Variants in DNAJC19 observed in about 807,000 individuals in gnomAD.
The protein encoded by DNAJC19 is DnaJ heat shock protein family (Hsp40) member C19, also known as mitochondrial import inner membrane translocase subunit TIM14.
DNAJC19 carries 15 observed loss-of-function variants against 19.8 expected under a neutral mutation model. The observed-to-expected ratio is 0.76, with a 90% confidence interval of 0.51 to 1.17. The LOEUF (loss-of-function observed/expected upper bound fraction) is 1.17. Ranked by LOEUF, DNAJC19 falls within the 50% of genes most tolerant of loss-of-function variation. The pLI, the probability that DNAJC19 is intolerant of heterozygous loss-of-function variation, is 0.00. For missense variants in DNAJC19, 105 were observed against 140.9 expected (o/e 0.75, Z 1.29); for synonymous variants, 38 against 42.1 (o/e 0.90, Z 0.38).
At position 180,984,450 on chromosome 3, in the gene DNAJC19, TAC is replaced by T; in HGVS notation, c.*188_*189del. 1 of 615,454 alleles carries T rather than the reference TAC, an allele frequency of 1.6e-6. No homozygotes were observed. Among genetic ancestry groups the T allele is most frequent in the Non-Finnish European group, 3.1e-6 (1 of 323,702 alleles). The allele number at this position is 615,454 out of a possible 1,614,324, so 38.1% of individuals were successfully genotyped here. ...AAGGTGTGTGCTTGCCCATAATTAA[TAC>T]GCAAATATTCTAAACTATAATCTGA... On this transcript the variant is annotated 3_prime_UTR_variant, in exon 6 of 6. Coordinates refer to ENST00000382564, the MANE Select transcript of DNAJC19 (RefSeq NM_145261.4).
intron 1 of DNAJC19, 74 bp from the exon 2 acceptor site, chr3:180,988,303 C>A: frequency 6.4e-7 from 1 of 1,563,556 alleles, no homozygotes; most frequent in Non-Finnish European, 8.8e-7. Context: ...TTCTTCCATC[C>A]CCAACTCATT....
At chr3:180,985,011 A>G (rs1714827191) in intron 5 of DNAJC19, among the ~76,000 whole-genome samples, 1 of 152,134 alleles carries the variant, frequency 6.6e-6, no homozygotes, top group Non-Finnish European at 1.5e-5. Context: ...ATATATATGT[A>G]TATGCCTTTG....
chr3:180,986,293 T>G (rs1714906844), intron 4 of DNAJC19, among the ~76,000 whole-genome samples: 1 of 151,868 alleles, frequency 6.6e-6, no homozygotes, highest in Non-Finnish European at 1.5e-5. Flanking sequence ...TTTGTTTTTT[T>G]TTTTTTTTGA....
At chr3:180,989,285 A>G in intron 1 of DNAJC19, 1 of 1,355,112 alleles carries the variant, frequency 7.4e-7, no homozygotes, top group Non-Finnish European at 9.5e-7. Flanking sequence ...GGGCACTTAT[A>G]ATCAAATACG....
In DNAJC19 at chr3:180,984,243, C is replaced by T. The variant is rs1011696769; in HGVS notation, c.*397G>A. 2.2e-6 allele frequency: 1 copy of T among 454,168 alleles called. No homozygotes were observed. Among genetic ancestry groups the T allele is most frequent in the African/African-American group, 2.0e-5 (1 of 50,096 alleles). The allele number at this position is 454,168 out of a possible 1,614,324, so 28.1% of individuals were successfully genotyped here. On this transcript the variant is annotated 3_prime_UTR_variant, in exon 6 of 6. Coordinates refer to ENST00000382564, the MANE Select transcript of DNAJC19 (RefSeq NM_145261.4). ...TTCCACCGAATAAGAAGAGTCCCTA[C>T]TTAAACAGCTTAAGCTAATTTCCAT...
intron 1 of DNAJC19, among the ~76,000 whole-genome samples, chr3:180,988,846 CAA>C (rs11465052): frequency 1.5e-5 from 2 of 134,410 alleles, no homozygotes; most frequent in Non-Finnish European, 1.6e-5. Flanking sequence ...ACTAAAAATA[CAA>C]AAAAAAAAAA....
chr3:180,987,263 A>G (rs1328418104), intron 3 of DNAJC19: 10 of 519,584 alleles, frequency 1.9e-5, no homozygotes, highest in Non-Finnish European at 2.1e-5. Context: ...TCTTAGAAAT[A>G]TAAGACAAAA....
Position 180,984,442 on chromosome 3 carries a change from ATAAT to A in DNAJC19, c.*194_*197del, listed in dbSNP as rs886058203. On this transcript the variant is annotated 3_prime_UTR_variant, in exon 6 of 6. Coordinates refer to ENST00000382564, the MANE Select transcript of DNAJC19 (RefSeq NM_145261.4). ...CTATTCAGAAGGTGTGTGCTTGCCCATAATTAATACGCAAATATTCTAAACTATA... is the reference window on the plus strand; with the variant it reads ...CTATTCAGAAGGTGTGTGCTTGCCCATAATACGCAAATATTCTAAACTATA... The A allele has an allele frequency of 6.7e-6, 4 of 600,950 alleles. No homozygotes were observed. The highest frequency in any genetic ancestry group is 3.7e-5 in the African/African-American group (2 of 54,710). 37.2% of individuals were successfully genotyped at this position (600,950 alleles called of 1,614,324 possible).
chr3:180,988,408 C>T (rs1011169684), intron 1 of DNAJC19, among the ~76,000 whole-genome samples, 179 bp from the exon 2 acceptor site: 2 of 122,194 alleles, frequency 1.6e-5, no homozygotes, highest in African/African-American at 3.2e-5. Flanking sequence ...TTAGGCTGGT[C>T]TTGAACTCCT....
rs755959273 is a variant in DNAJC19, at chr3:180,989,628, C to T, written c.-26G>A. On this transcript the variant is annotated 5_prime_UTR_variant, in exon 1 of 6. Transcript: ENST00000382564. ...GGCTCCGGCTGGGCTCCCTTGCTTC[C>T]ACCGGGAGCACGGCTCATCCCAGCT... The T allele has an allele frequency of 3.2e-6, 5 of 1,585,282 alleles. No individual in the cohort carries two copies. The highest frequency in any genetic ancestry group is 1.7e-4 in the Middle Eastern group (1 of 6,052).
rs201070242 is a variant in DNAJC19, at chr3:180,989,087, TAAC to T, written c.3+510_3+512del. Reference sequence around the variant, plus strand: ...TTTACAGACGGCTCCTGTAAAATTCTAACAACGCATTTTCGAGGCTAAACGTGG... The same window carrying T: ...TTTACAGACGGCTCCTGTAAAATTCTAACGCATTTTCGAGGCTAAACGTGG... On this transcript the variant is annotated intron_variant, in intron 1 of 5. Coordinates refer to ENST00000382564, the MANE Select transcript of DNAJC19 (RefSeq NM_145261.4). Among the ~76,000 whole-genome samples the T allele has an allele frequency of 3.5e-4, 53 of 152,104 alleles. No individual in the cohort carries two copies. The East Asian group carries it at 9.9e-3, about 28-fold the overall frequency.
intron 3 of DNAJC19, 128 bp from the exon 4 acceptor site, chr3:180,987,150 A>C (rs1251613074): frequency 2.5e-6 from 2 of 788,310 alleles, no homozygotes; most frequent in Non-Finnish European, 4.3e-6. Flanking sequence ...GCAATTCCCG[A>C]GGTATTTTAG....
chr3:180,989,456 G>A, intron 1 of DNAJC19, 144 bp downstream of exon 1: 1 of 1,519,918 alleles, frequency 6.6e-7, no homozygotes, highest in Non-Finnish European at 8.8e-7. Context: ...GTTGTGTCCT[G>A]GTGAGTGTGA....
At chr3:180,985,788 AT>A in intron 5 of DNAJC19, 137 bp downstream of exon 5, 1 of 743,708 alleles carries the variant, frequency 1.3e-6, no homozygotes, top group Non-Finnish European at 2.3e-6. Context: ...CACCAAAAAT[AT>A]ATGGCTCCAG....
At position 180,989,581 on chromosome 3, in the gene DNAJC19, A is replaced by T. The variant is rs772451930; in HGVS notation, c.3+19T>A. On this transcript the variant is annotated intron_variant, in intron 1 of 5. Transcript: ENST00000382564. ...GCCTGGGCCGGAGGTCGCCAAGAAG[A>T]CCGGAAGGCCGCACTCACCATGGCT... 1 of 1,578,356 alleles carries T rather than the reference A, an allele frequency of 6.3e-7. No homozygotes were observed. Among genetic ancestry groups the T allele is most frequent in the Non-Finnish European group, 8.6e-7 (1 of 1,161,900 alleles).
rs1715096336 is a variant in DNAJC19 at position 180,989,319 on chromosome 3, G to C, written c.3+281C>G. 4 of 1,406,436 alleles carry C rather than the reference G, an allele frequency of 2.8e-6. No individual in the cohort carries two copies. The Admixed American group carries it at 8.9e-5, about 31-fold the overall frequency. 87.1% of individuals were successfully genotyped at this position (1,406,436 alleles called of 1,614,324 possible). ...CGTTTCCACTAATCTCCGAGTCCATGACAGCCTCTGACCTTACAGGAGTTC... is the reference window on the plus strand; with the variant it reads ...CGTTTCCACTAATCTCCGAGTCCATCACAGCCTCTGACCTTACAGGAGTTC... On this transcript the variant is annotated intron_variant, in intron 1 of 5. Coordinates refer to ENST00000382564, the MANE Select transcript of DNAJC19 (RefSeq NM_145261.4).
chr3:180,987,640 T>C (rs995266467), intron 3 of DNAJC19: 7 of 328,100 alleles, frequency 2.1e-5, no homozygotes, highest in African/African-American at 1.1e-4. Flanking sequence ...TACCTATGTA[T>C]GATGTTTGGG....
chr3:180,989,623 G>C lies in DNAJC19; in HGVS notation c.-21C>G. 1 of 1,586,778 alleles carries C rather than the reference G, an allele frequency of 6.3e-7. No individual in the cohort carries two copies. The highest frequency in any genetic ancestry group is 8.6e-7 in the Non-Finnish European group (1 of 1,167,236). ...ACCATGGCTCCGGCTGGGCTCCCTTGCTTCCACCGGGAGCACGGCTCATCC... is the reference window on the plus strand; with the variant it reads ...ACCATGGCTCCGGCTGGGCTCCCTTCCTTCCACCGGGAGCACGGCTCATCC... On this transcript the variant is annotated 5_prime_UTR_variant, in exon 1 of 6. Transcript: ENST00000382564.
Position 180,984,534 on chromosome 3 carries a change from G to C in DNAJC19, c.*106C>G, listed in dbSNP as rs1714792604. 3 of 768,762 alleles carry C rather than the reference G, an allele frequency of 3.9e-6. No individual in the cohort carries two copies. Among genetic ancestry groups the C allele is most frequent in the Non-Finnish European group, 6.6e-6 (3 of 453,144 alleles). 47.6% of individuals were successfully genotyped at this position (768,762 alleles called of 1,614,324 possible). A position where few individuals can be genotyped will look rare whatever the true frequency, so the allele number is the denominator to read the frequency against. On this transcript the variant is annotated 3_prime_UTR_variant, in exon 6 of 6. Transcript: ENST00000382564. Reference sequence around the variant, plus strand: ...ATACCAAGGCTTTGAGATTTAGCTTGTGCTAAATCATTTTTTAAAATTGTA... The same window carrying C: ...ATACCAAGGCTTTGAGATTTAGCTTCTGCTAAATCATTTTTTAAAATTGTA...
Sources: gnomAD v4.1 joint callset for allele counts (sites outside exome capture counted in the v4.1 genomes callset) on GRCh38, gnomAD v4.1.1 for gene constraint, MANE v1.5 for transcripts, NCBI Gene and HGNC (gene_info 2026-07-23, HGNC 2026-07-21) for gene names.